KCNJ10: variants seen among roughly 807,000 people sequenced by gnomAD.
The protein encoded by KCNJ10 is potassium inwardly rectifying channel subfamily J member 10, also known as ATP-sensitive inward rectifier potassium channel 10.
Under a neutral mutation model 22.2 loss-of-function variants are expected in KCNJ10, and 9 were observed. The ratio of observed to expected loss-of-function variants is 0.40; its 90% CI spans 0.24 to 0.71. The LOEUF is 0.71. Among genes scored for constraint, KCNJ10 ranks in the 30% least tolerant of loss-of-function variants. The probability of loss-of-function intolerance (pLI) is 0.35; values close to 1 mark genes in which losing one functional copy is unlikely to be tolerated. For missense variants in KCNJ10, 337 were observed against 482.7 expected (o/e 0.70, Z 2.83); for synonymous variants, 184 against 187.3 (o/e 0.98, Z 0.15).
intron 1 of KCNJ10, among the ~76,000 whole-genome samples, chr1:160,062,182 G>A (rs899875005): frequency 6.6e-6 from 1 of 152,070 alleles, no homozygotes; most frequent in Non-Finnish European, 1.5e-5. Flanking sequence ...GAGAGTGGGG[G>A]AGTCACCTCC....
In KCNJ10 at chr1:160,049,338, A is replaced by G. The variant is rs548314536; in HGVS notation, c.1-6806T>C. 8.5e-5 allele frequency among the ~76,000 whole-genome samples: 13 copies of G among 152,152 alleles called. No homozygotes were observed. The East Asian group carries it at 2.5e-3, about 30-fold the overall frequency. ...CCACTTTTCTGCTATGGCACACTGCATATTGCAAGCAAACCAACCACTCCC... is the reference window on the plus strand; with the variant it reads ...CCACTTTTCTGCTATGGCACACTGCGTATTGCAAGCAAACCAACCACTCCC... On this transcript the variant is annotated intron_variant, in intron 1 of 1. Coordinates refer to ENST00000644903, the MANE Select transcript of KCNJ10 (RefSeq NM_002241.5).
chr1:160,054,867 GGCTGACCAGGTT>G, intron 1 of KCNJ10, among the ~76,000 whole-genome samples: 1 of 152,198 alleles, frequency 6.6e-6, no homozygotes, highest in Non-Finnish European at 1.5e-5. Flanking sequence ...CTGCAGAGGG[GGCTGACCAGGTT>G]GCAGATGGGG....
chr1:160,050,300 A>ATTT lies in KCNJ10; in HGVS notation c.1-7771_1-7769dup, dbSNP rs57990965. On this transcript the variant is annotated intron_variant, in intron 1 of 1. Transcript: ENST00000644903. Reference sequence around the variant, plus strand: ...AGGTGCACACCACCACACCCAGCTAATTTTTTTTTTTTTGTAGAGATGGGA... The same window carrying ATTT: ...AGGTGCACACCACCACACCCAGCTAATTTTTTTTTTTTTTTTGTAGAGATGGGA... Among the ~76,000 whole-genome samples the ATTT allele has an allele frequency of 2.7e-3, 395 of 147,012 alleles. 4 individuals carry two copies. The highest frequency in any genetic ancestry group is 4.1e-3 in the African/African-American group (164 of 39,644).
At chr1:160,068,664 C>A (rs1371810475) in intron 1 of KCNJ10, among the ~76,000 whole-genome samples, 2 of 152,210 alleles carry the variant, frequency 1.3e-5, no homozygotes, top group Non-Finnish European at 2.9e-5. Flanking sequence ...TGGTTCCTTC[C>A]AAACTTGGTC....
At chr1:160,042,955 A>G (rs1571266188) in intron 1 of KCNJ10, among the ~76,000 whole-genome samples, 1 of 151,812 alleles carries the variant, frequency 6.6e-6, no homozygotes, top group South Asian at 2.1e-4. Flanking sequence ...AAAAAAGTAA[A>G]TAAAATAAAA....
intron 1 of KCNJ10, among the ~76,000 whole-genome samples, chr1:160,058,062 T>C (rs1284636882): frequency 1.3e-5 from 2 of 152,240 alleles, no homozygotes; most frequent in Non-Finnish European, 2.9e-5. Context: ...GAACCTTTTC[T>C]GGACTGCTTC....
intron 1 of KCNJ10, among the ~76,000 whole-genome samples, chr1:160,048,846 G>A (rs1452093172): frequency 6.6e-6 from 1 of 151,934 alleles, no homozygotes; most frequent in Admixed American, 6.6e-5. Context: ...CTTTTTTCAG[G>A]TCCTAATGCC....
chr1:160,063,375 G>A (rs1460337731), intron 1 of KCNJ10: 4 of 152,334 alleles, frequency 2.6e-5, no homozygotes, highest in Admixed American at 1.3e-4. Context: ...GACTTCCTAC[G>A]AGCCCCAGGA....
In KCNJ10 at chr1:160,041,603, C is replaced by G. The variant is rs368793191; in HGVS notation, c.930G>C (p.Glu310Asp). The G allele has an allele frequency of 2.5e-6, 4 of 1,614,044 alleles. No homozygotes were observed. The African/African-American group carries it at 5.3e-5, about 22-fold the overall frequency. The change falls in exon 2 of 2, where the codon GAG becomes GAC. Residue 310 changes from glutamate to aspartate, a missense_variant. Transcript: ENST00000644903. The surrounding 1 kb of genome is among the most constrained non-coding windows in gnomAD (Gnocchi z 4.4). Reference protein sequence around the residue: ...YLPEEILWGYEFTPAISLSAS... With the variant: ...YLPEEILWGYDFTPAISLSAS... ...CTGACAGTGAGATGGCAGGTGTGAACTCGTAGCCCCAAAGGATCTCCTCTG... is the reference window on the plus strand; with the variant it reads ...CTGACAGTGAGATGGCAGGTGTGAAGTCGTAGCCCCAAAGGATCTCCTCTG...
intron 1 of KCNJ10, chr1:160,064,779 G>A (rs1294948240): frequency 1.3e-5 from 2 of 152,286 alleles, no homozygotes; most frequent in Non-Finnish European, 2.9e-5. Context: ...AGTGTGCCTG[G>A]CTCTACCAGT....
At chr1:160,044,300 T>A (rs1282082250) in intron 1 of KCNJ10, among the ~76,000 whole-genome samples, 1 of 152,216 alleles carries the variant, frequency 6.6e-6, no homozygotes, top group East Asian at 1.9e-4. Context: ...AAGGAAGCTC[T>A]GCAACTCTGA....
In KCNJ10 at chr1:160,041,408, G is replaced by A; in HGVS notation, c.1125C>T (p.Arg375=). Reference sequence around the variant, plus strand: ...GAACAGGTCATCAGACATTGCTGATGCGCACACTAAGGGCACTGCCCTCCT... The same window carrying A: ...GAACAGGTCATCAGACATTGCTGATACGCACACTAAGGGCACTGCCCTCCT... ...AEKEGSALSV[R]ISNV is the part of the protein sequence containing the mutation. Residue 375 remains arginine (R), a synonymous_variant, in exon 2 of 2, where the codon CGC becomes CGT. Transcript: ENST00000644903. This position sits in a 1 kb window ranked among gnomAD's most constrained non-coding sequence, Gnocchi z 4.4. 1 of 1,612,940 alleles carries A rather than the reference G, an allele frequency of 6.2e-7. No individual in the cohort carries two copies. Among genetic ancestry groups the A allele is most frequent in the Non-Finnish European group, 8.5e-7 (1 of 1,179,860 alleles).
intron 1 of KCNJ10, among the ~76,000 whole-genome samples, chr1:160,043,316 A>ACACACACACACACAC (rs1557968547): frequency 1.4e-5 from 2 of 142,380 alleles, no homozygotes; most frequent in African/African-American, 2.6e-5. Flanking sequence ...CACACACACA[A>ACACACACACACACAC]CCTTAATTTC....
chr1:160,051,783 TC>T (rs1648911108), intron 1 of KCNJ10, among the ~76,000 whole-genome samples: 2 of 152,018 alleles, frequency 1.3e-5, no homozygotes, highest in Non-Finnish European at 1.5e-5. Context: ...ATGTGGACTC[TC>T]CTCCCAACGG....
At chr1:160,057,029 G>A (rs1468403893) in intron 1 of KCNJ10, among the ~76,000 whole-genome samples, 2 of 152,156 alleles carry the variant, frequency 1.3e-5, no homozygotes. Flanking sequence ...CATCCTGTCT[G>A]TGTCACTTAC....
intron 1 of KCNJ10, among the ~76,000 whole-genome samples, chr1:160,050,263 A>T (rs1364975001): frequency 1.1e-4 from 17 of 149,950 alleles, no homozygotes; most frequent in Admixed American, 3.3e-4. Flanking sequence ...CCTCCTGAGT[A>T]CCTGGGACTA....
intron 1 of KCNJ10, among the ~76,000 whole-genome samples, chr1:160,055,121 T>C (rs1648997619): frequency 6.6e-6 from 1 of 152,312 alleles, no homozygotes; most frequent in Admixed American, 6.5e-5. Context: ...TATGAAATCA[T>C]CCATTTAATA....
chr1:160,055,004 G>C (rs1211316940), intron 1 of KCNJ10, among the ~76,000 whole-genome samples: 1 of 152,126 alleles, frequency 6.6e-6, no homozygotes, highest in Non-Finnish European at 1.5e-5. Flanking sequence ...AGGGGGTGGG[G>C]CTCCCCAGTC....
At chr1:160,060,007 G>A (rs537979836) in intron 1 of KCNJ10, among the ~76,000 whole-genome samples, 1 of 152,114 alleles carries the variant, frequency 6.6e-6, no homozygotes, top group Non-Finnish European at 1.5e-5. Flanking sequence ...AGAAAATTGA[G>A]CCTGTTTCCC....
Sources: allele counts gnomAD v4.1 joint callset (sites outside exome capture counted in the v4.1 genomes callset), GRCh38; gene constraint gnomAD v4.1.1; non-coding constraint Gnocchi (gnomAD v3.1); transcripts MANE v1.5; gene names NCBI Gene and HGNC (gene_info 2026-07-23, HGNC 2026-07-21).